Variants in CNR1 observed in about 807,000 individuals in gnomAD.
CNR1 encodes cannabinoid receptor 1 (brain).
CNR1 carries 10 observed loss-of-function variants against 23.0 expected under a neutral mutation model. The observed-to-expected ratio is 0.43, with a 90% CI of 0.27 to 0.74. CNR1 has a LOEUF of 0.74. CNR1 is among the 30% of genes least tolerant of loss of function. CNR1 has a pLI of 0.19. For synonymous variants in CNR1, 271 were observed against 255.2 expected, an observed-to-expected ratio of 1.06 and a Z score of -0.59; for missense variants, 422 against 618.8, an observed-to-expected ratio of 0.68 and a Z score of 3.37.
intron 1 of CNR1, among the ~76,000 whole-genome samples, chr6:88,150,815 T>A (rs1453992390): frequency 6.6e-6 from 1 of 152,212 alleles, no homozygotes; most frequent in African/African-American, 2.4e-5. Context: ...TCCCTTTGAT[T>A]ATGGATGAAA....
At position 88,159,118 on chromosome 6, in the gene CNR1, G is replaced by C. The variant is rs1329906815; in HGVS notation, c.-64+6685C>G. ...TACAAAGGCTATGCAAAGCTTTATA[G>C]GGTTGCTAAGACATTTCCTTCACCA... is the stretch of plus-strand genomic sequence containing the variant. On this transcript the variant is annotated intron_variant, in intron 1 of 1. Transcript: ENST00000369501. Among the ~76,000 whole-genome samples the C allele has an allele frequency of 3.9e-5, 6 of 152,152 alleles. No homozygotes were observed. The East Asian group carries it at 1.2e-3, about 29-fold the overall frequency.
At chr6:88,162,208 C>A (rs896463391) in intron 1 of CNR1, among the ~76,000 whole-genome samples, 3 of 152,094 alleles carry the variant, frequency 2.0e-5, no homozygotes, top group East Asian at 3.8e-4. Context: ...GCTTTGAATG[C>A]GGACATTTCC....
chr6:88,153,586 G>C (rs1777643517), intron 1 of CNR1, among the ~76,000 whole-genome samples: 1 of 152,174 alleles, frequency 6.6e-6, no homozygotes, highest in Admixed American at 6.5e-5. Flanking sequence ...TGTTGGTTCT[G>C]TTGTTCACTT....
At chr6:88,151,709 GA>G (rs946402018) in intron 1 of CNR1, among the ~76,000 whole-genome samples, 1 of 151,366 alleles carries the variant, frequency 6.6e-6, no homozygotes, top group African/African-American at 2.4e-5. Context: ...TATATCTCAA[GA>G]ATGCTCATTG....
chr6:88,149,321 C>T (rs1338325434), intron 1 of CNR1, among the ~76,000 whole-genome samples: 1 of 152,180 alleles, frequency 6.6e-6, no homozygotes, highest in East Asian at 1.9e-4. Context: ...TCCTTAGGTT[C>T]CCTGTTCATC....
chr6:88,149,906 T>G (rs756551976), intron 1 of CNR1, among the ~76,000 whole-genome samples: 7 of 152,196 alleles, frequency 4.6e-5, no homozygotes, highest in Non-Finnish European at 1.0e-4. Flanking sequence ...TCTTTTTTTC[T>G]TAAGTGGTTT....
At position 88,140,267 on chromosome 6, in the gene CNR1, G is replaced by A. The variant is rs1419256390; in HGVS notation, c.*3589C>T. 1 of 152,724 alleles carries A rather than the reference G, an allele frequency of 6.5e-6. No homozygotes were observed. The highest frequency in any genetic ancestry group is 6.5e-5 in the Admixed American group (1 of 15,274). The allele number at this position is 152,724 out of a possible 1,614,324, so 9.5% of individuals were successfully genotyped here. ...AACATTGGAAATAAATTTGAATCCA[G>A]ATACAAGAAAAGGTTTCCTTTCTTG... On this transcript the variant is annotated 3_prime_UTR_variant, in exon 2 of 2. Transcript: ENST00000369501.
At chr6:88,166,388 C>A (rs1399267137), upstream of CNR1, 1 of 152,366 alleles carries the variant, frequency 6.6e-6, no homozygotes, top group Non-Finnish European at 1.5e-5. Context: ...AGCGCGGTCC[C>A]ATCACGTGTT....
Position 88,144,984 on chromosome 6 carries a change from C to CT in CNR1, c.290dup (p.Cys98ValfsTer79). 1.2e-6 allele frequency: 2 copies of CT among 1,614,204 alleles called. No homozygotes were observed. The highest frequency in any genetic ancestry group is 1.7e-6 in the Non-Finnish European group (2 of 1,180,028). ...CTATGTCCATGAAGTTCTCCCCACA[C>CT]TGGATGTTCTCCTCATTCTCCTTGA... is the stretch of plus-strand genomic sequence containing the variant. On this transcript the variant is annotated frameshift_variant, in exon 2 of 2. Transcript: ENST00000369501. LOFTEE classifies it high-confidence loss of function. This position sits in a 1 kb window ranked among gnomAD's most constrained non-coding sequence, Gnocchi z 7.8.
chr6:88,144,850 A>T lies in CNR1; in HGVS notation c.425T>A (p.Leu142His). 1.2e-6 allele frequency: 2 copies of T among 1,614,184 alleles called. No individual in the cohort carries two copies. The highest frequency in any genetic ancestry group is 2.7e-5 in the African/African-American group (2 of 75,050). ...CCTGCAGCGGAGGCTGCGGGAGTGG[A>T]GGATGACGCACAGCACCAGGAGGTT... ...LENLLVLCVI[L>H]HSRSLRCRPS... The change falls in exon 2 of 2, where the codon CTC (leucine) becomes CAC (histidine). Residue 142 changes from leucine to histidine, a missense_variant. Physicochemically the swap from Leu to His is moderately conservative, Grantham distance 99 (BLOSUM62 -3). Coordinates refer to ENST00000369501, the MANE Select transcript of CNR1 (RefSeq NM_016083.6). The surrounding 1 kb of genome is among the most constrained non-coding windows in gnomAD (Gnocchi z 7.8).
At chr6:88,166,432 G>T (rs116645661), upstream of CNR1, 2 of 152,414 alleles carry the variant, frequency 1.3e-5, no homozygotes, top group East Asian at 3.9e-4. Flanking sequence ...CAGCGGCGGC[G>T]GCACAGACCC....
chr6:88,154,349 A>G (rs1339130464), intron 1 of CNR1, among the ~76,000 whole-genome samples: 1 of 152,254 alleles, frequency 6.6e-6, no homozygotes, highest in Non-Finnish European at 1.5e-5. Context: ...GGGCTCAAGA[A>G]AATGATGTCT....
chr6:88,153,291 G>C (rs1161987993), intron 1 of CNR1, among the ~76,000 whole-genome samples: 1 of 151,454 alleles, frequency 6.6e-6, no homozygotes, highest in Non-Finnish European at 1.5e-5. Context: ...TAAAGTTGTT[G>C]TTTTTTTTAA....
chr6:88,159,270 T>C (rs1777960656), intron 1 of CNR1, among the ~76,000 whole-genome samples: 1 of 152,204 alleles, frequency 6.6e-6, no homozygotes, highest in Non-Finnish European at 1.5e-5. Flanking sequence ...AACCATAAAA[T>C]ACTACATCTT....
At chr6:88,164,445 T>G (rs986247294) in intron 1 of CNR1, 1 of 152,374 alleles carries the variant, frequency 6.6e-6, no homozygotes, top group Non-Finnish European at 1.5e-5. Context: ...ATGCAATGTT[T>G]AAAATTCTGG....
Position 88,145,067 on chromosome 6 carries a change from G to A in CNR1, c.208C>T (p.Leu70=). Residue 70 remains leucine (L), a synonymous_variant, in exon 2 of 2, where the codon CTA becomes TTA. Coordinates refer to ENST00000369501, the MANE Select transcript of CNR1 (RefSeq NM_016083.6). ...ATGTTCACCTGGTCTGCTGGGACTA[G>A]CTGGGGGTTGTCTCCCGCAGTCATC... is the stretch of plus-strand genomic sequence containing the variant. ...EKMTAGDNPQ[L]VPADQVNITE... is the part of the protein sequence containing the mutation. The A allele has an allele frequency of 6.2e-7, 1 of 1,614,144 alleles. No individual in the cohort carries two copies. The highest frequency in any genetic ancestry group is 2.2e-5 in the East Asian group (1 of 44,886).
chr6:88,145,753 C>T (rs1010536751), intron 1 of CNR1, among the ~76,000 whole-genome samples: 10 of 152,184 alleles, frequency 6.6e-5, no homozygotes, highest in African/African-American at 9.7e-5. Context: ...TTGGGGCCGG[C>T]GAGAGCACTG....
In CNR1 at chr6:88,145,149, C is replaced by A. The variant is rs769532946; in HGVS notation, c.126G>T (p.Gly42=). The change falls in exon 2 of 2, where the codon GGG becomes GGT. Residue 42 remains glycine (G), a synonymous_variant. Transcript: ENST00000369501. Reference sequence around the variant, plus strand: ...TTAAAGGGAATTTCTGTGGGAAGTACCCTAATTTGGATGCCATGTCACCTT... The same window carrying A: ...TTAAAGGGAATTTCTGTGGGAAGTAACCTAATTTGGATGCCATGTCACCTT... ...DIKGDMASKL[G]YFPQKFPLTS... The A allele has an allele frequency of 6.2e-7, 1 of 1,614,124 alleles. No individual in the cohort carries two copies. Among genetic ancestry groups the A allele is most frequent in the East Asian group, 2.2e-5 (1 of 44,882 alleles).
chr6:88,145,899 G>A (rs1252544862), intron 1 of CNR1, among the ~76,000 whole-genome samples: 6 of 152,186 alleles, frequency 3.9e-5, no homozygotes. Flanking sequence ...TTGTAGCGGG[G>A]GAGGAGGGAG....
Sources: gnomAD v4.1 joint callset for allele counts (sites outside exome capture counted in the v4.1 genomes callset) on GRCh38, gnomAD v4.1.1 for gene constraint, Gnocchi (gnomAD v3.1) non-coding constraint, MANE v1.5 for transcripts, NCBI Gene and HGNC (gene_info 2026-07-23, HGNC 2026-07-21) for gene names.